The following PTK7 variants were observed in gnomAD, a reference collection of about 807,000 sequenced individuals.
PTK7 encodes the protein protein tyrosine kinase 7 (inactive), also known as inactive tyrosine-protein kinase 7.
In PTK7, 39 loss-of-function variants were observed where a neutral mutation model predicts 116.6. That is an observed-to-expected ratio of 0.33 (90% CI 0.26 to 0.44). The LOEUF (loss-of-function observed/expected upper bound fraction) is 0.44, where lower values mean the gene tolerates loss of function less well. Among genes scored for constraint, PTK7 ranks in the 20% least tolerant of loss-of-function variants. The probability of loss-of-function intolerance (pLI) is 1.00; values close to 1 mark genes in which losing one functional copy is unlikely to be tolerated. For synonymous variants in PTK7, 546 were observed against 563.6 expected (o/e 0.97, Z 0.44); for missense variants, 1,169 against 1,425.6 (o/e 0.82, Z 2.90).
Position 43,132,024 on chromosome 6 carries a change from A to G in PTK7, c.821A>G (p.His274Arg), listed in dbSNP as rs141004962. Reference sequence around the variant, plus strand: ...CACTCTCCCCTCTGCAGCCCCCCACACCTCCGCAGAGCCACAGTGTTTGCC... The same window carrying G: ...CACTCTCCCCTCTGCAGCCCCCCACGCCTCCGCAGAGCCACAGTGTTTGCC... ...TPITNRSRPP[H>R]LRRATVFANG... Residue 274 changes from histidine (H) to arginine (R), a missense_variant, in exon 6 of 20, where the codon CAC (histidine) becomes CGC (arginine). Physicochemically the swap from His to Arg is conservative, Grantham distance 29 (BLOSUM62 0). Around this residue, in one of 3 missense-constraint regions of PTK7, gnomAD observed 487 missense variants for 549.8 expected, o/e 0.89. Coordinates refer to ENST00000230419, the MANE Select transcript of PTK7 (RefSeq NM_002821.5). 6.2e-4 allele frequency: 1,007 copies of G among 1,613,418 alleles called. 9 individuals carry two copies. The highest frequency in any genetic ancestry group is 5.8e-3 in the South Asian group (525 of 91,040).
chr6:43,156,533 A>C (rs911672011), intron 17 of PTK7, among the ~76,000 whole-genome samples: 2 of 151,590 alleles, frequency 1.3e-5, no homozygotes, highest in Non-Finnish European at 2.9e-5. Context: ...ACTTGAGTCC[A>C]GGAGGGCGAG....
Position 43,161,294 on chromosome 6 carries a change from C to G in PTK7, c.*413C>G, listed in dbSNP as rs1161340767. ...GGGAGTTCCTTAATATTCTCAAGTTCTGGGCACACAGGGTTAATGAGTCTC... is the reference window on the plus strand; with the variant it reads ...GGGAGTTCCTTAATATTCTCAAGTTGTGGGCACACAGGGTTAATGAGTCTC... On this transcript the variant is annotated 3_prime_UTR_variant, in exon 20 of 20. Coordinates refer to ENST00000230419, the MANE Select transcript of PTK7 (RefSeq NM_002821.5). 1 of 195,314 alleles carries G rather than the reference C, an allele frequency of 5.1e-6. No homozygotes were observed. The highest frequency in any genetic ancestry group is 1.1e-5 in the Non-Finnish European group (1 of 93,464). 12.1% of individuals were successfully genotyped at this position (195,314 alleles called of 1,614,324 possible).
rs958246562 is a variant in PTK7, at chr6:43,141,146, C to T, written c.1619-522C>T. On this transcript the variant is annotated intron_variant, in intron 10 of 19. Coordinates refer to ENST00000230419, the MANE Select transcript of PTK7 (RefSeq NM_002821.5). The surrounding 1 kb of genome is among the most constrained non-coding windows in gnomAD (Gnocchi z 4.9). The stretch of plus-strand genomic sequence containing the variant: ...TTCCCAGAATTGGGATAATTATGCA[C>T]GAAAGGGGGTATGAACATTTTTATA... 2.6e-5 allele frequency among the ~76,000 whole-genome samples: 4 copies of T among 151,744 alleles called. No homozygotes were observed. Among genetic ancestry groups the T allele is most frequent in the African/African-American group, 9.7e-5 (4 of 41,260 alleles).
In PTK7 at chr6:43,143,404, G is replaced by T; in HGVS notation, c.2048-13G>T. On this transcript the variant is annotated splice_polypyrimidine_tract_variant and intron_variant, in intron 13 of 19. Coordinates refer to ENST00000230419, the MANE Select transcript of PTK7 (RefSeq NM_002821.5). This position sits in a 1 kb window ranked among gnomAD's most constrained non-coding sequence, Gnocchi z 4.2. Reference sequence around the variant, plus strand: ...TAGCAGCCCCTGCCCAGACCCATCTGTGTGTCTCTCAGACAAGCCTGTGCC... The same window carrying T: ...TAGCAGCCCCTGCCCAGACCCATCTTTGTGTCTCTCAGACAAGCCTGTGCC... 6 of 1,612,926 alleles carry T rather than the reference G, an allele frequency of 3.7e-6. No homozygotes were observed. The highest frequency in any genetic ancestry group is 5.1e-6 in the Non-Finnish European group (6 of 1,179,582).
intron 1 of PTK7, among the ~76,000 whole-genome samples, chr6:43,087,888 AG>A (rs1191144891): frequency 6.6e-6 from 1 of 152,198 alleles, no homozygotes. Flanking sequence ...TGTGGGTATT[AG>A]GGTATAATTT....
At chr6:43,088,730 TAA>T (rs1561934233) in intron 1 of PTK7, among the ~76,000 whole-genome samples, 1 of 151,204 alleles carries the variant, frequency 6.6e-6, no homozygotes, top group Admixed American at 6.6e-5. Flanking sequence ...AATAAATAAA[TAA>T]AGAGTTATGG....
chr6:43,094,701 A>G (rs1767142121), intron 1 of PTK7, among the ~76,000 whole-genome samples: 1 of 151,628 alleles, frequency 6.6e-6, no homozygotes, highest in Non-Finnish European at 1.5e-5. Context: ...GATGGTCTCG[A>G]TCTCCTGACC....
chr6:43,160,868 A>G lies in PTK7; in HGVS notation c.3200A>G (p.Asp1067Gly). 6.2e-7 allele frequency: 1 copy of G among 1,613,946 alleles called. No individual in the cohort carries two copies. Among genetic ancestry groups the G allele is most frequent in the Non-Finnish European group, 8.5e-7 (1 of 1,180,022 alleles). ...AGCGCCCTGGGAGACAGCACCGTGG[A>G]CAGCAAGCCGTGAGGAGGGAGCCCG... is the stretch of plus-strand genomic sequence containing the variant. Reference protein sequence around the residue: ...IASALGDSTVDSKP With the variant: ...IASALGDSTVGSKP Residue 1067 changes from aspartate (D) to glycine (G), a missense_variant, in exon 20 of 20, where the codon GAC becomes GGC. This residue lies in a region of PTK7 where 678 missense variants were observed against 853.8 expected (regional missense o/e 0.79). Transcript: ENST00000230419.
At chr6:43,140,029 G>C (rs751989334) in intron 10 of PTK7, among the ~76,000 whole-genome samples, 1 of 152,172 alleles carries the variant, frequency 6.6e-6, no homozygotes, top group African/African-American at 2.4e-5. Flanking sequence ...CAGGAGAATC[G>C]CTTGAACCCA....
At chr6:43,100,132 C>A (rs554669678) in intron 1 of PTK7, among the ~76,000 whole-genome samples, 1 of 152,106 alleles carries the variant, frequency 6.6e-6, no homozygotes, top group East Asian at 1.9e-4. Flanking sequence ...GCCTGTAATC[C>A]CAGTACTTTG....
intron 1 of PTK7, among the ~76,000 whole-genome samples, chr6:43,092,737 A>C (rs1434030011): frequency 3.3e-5 from 5 of 152,116 alleles, no homozygotes; most frequent in Admixed American, 6.5e-5. Flanking sequence ...GTTGGCTATA[A>C]CTGTGATGGT....
intron 1 of PTK7, among the ~76,000 whole-genome samples, chr6:43,111,837 C>CTTTTT (rs34582469): frequency 1.5e-5 from 2 of 137,220 alleles, no homozygotes; most frequent in African/African-American, 5.4e-5. Flanking sequence ...CCAGCTAATT[C>CTTTTT]TTTTTTTTTT....
chr6:43,142,146 C>T, intron 12 of PTK7, 26 bp from the exon 13 acceptor site: 1 of 1,613,408 alleles, frequency 6.2e-7, no homozygotes, highest in Non-Finnish European at 8.5e-7. Flanking sequence ...GCGAGCTGGC[C>T]AGCACTATGG....
At chr6:43,099,515 C>T (rs545572006) in intron 1 of PTK7, among the ~76,000 whole-genome samples, 1 of 152,196 alleles carries the variant, frequency 6.6e-6, no homozygotes, top group African/African-American at 2.4e-5. Flanking sequence ...AGCCACTGCG[C>T]CTGGCCCACA....
At chr6:43,144,719 G>A (rs1295627364) in intron 15 of PTK7, 113 bp downstream of exon 15, 3 of 1,323,686 alleles carry the variant, frequency 2.3e-6, no homozygotes, top group East Asian at 2.4e-5. Flanking sequence ...TGTTAGAGGT[G>A]GAGGGAAGCA....
intron 17 of PTK7, among the ~76,000 whole-genome samples, chr6:43,158,303 GAAAAAA>G (rs1171676778): frequency 7.6e-6 from 1 of 131,954 alleles, no homozygotes; most frequent in East Asian, 2.2e-4. Context: ...CGTCTCAAAA[GAAAAAA>G]AAAAAAAGTA....
At chr6:43,142,666 G>A (rs1770492332) in intron 13 of PTK7, 1 of 366,256 alleles carries the variant, frequency 2.7e-6, no homozygotes. Flanking sequence ...GCCCAGAGAG[G>A]ATGATGGGTC....
At chr6:43,138,666 G>A (rs1194472836) in intron 7 of PTK7, 183 bp from the exon 8 acceptor site, 1 of 771,632 alleles carries the variant, frequency 1.3e-6, no homozygotes, top group Non-Finnish European at 2.0e-6. Flanking sequence ...TGTCTTAAAA[G>A]AAAAAAAATT....
intron 14 of PTK7, 71 bp from the exon 15 acceptor site, chr6:43,144,380 C>A: frequency 6.3e-7 from 1 of 1,589,348 alleles, no homozygotes; most frequent in South Asian, 1.1e-5. Flanking sequence ...GACCAGGGGA[C>A]AGAACAGAAA....
Sources: allele counts gnomAD v4.1 joint callset (sites outside exome capture counted in the v4.1 genomes callset), GRCh38; gene constraint gnomAD v4.1.1; regional missense constraint gnomAD v4.1.1; non-coding constraint Gnocchi (gnomAD v3.1); transcripts MANE v1.5; gene names NCBI Gene and HGNC (gene_info 2026-07-23, HGNC 2026-07-21).